Variants in CCDC171 observed in about 807,000 individuals in gnomAD.
The protein encoded by CCDC171 is coiled-coil domain-containing protein 171.
Under a neutral mutation model 168.2 loss-of-function variants are expected in CCDC171, and 177 were observed. The observed-to-expected ratio is 1.05, with a 90% CI of 0.93 to 1.19. The LOEUF (loss-of-function observed/expected upper bound fraction) is 1.19, where lower values mean the gene tolerates loss of function less well. Among genes scored for constraint, CCDC171 ranks in the 50% most tolerant of loss-of-function variants. The pLI is 0.00. For missense variants in CCDC171, 1,991 were observed against 1,539.0 expected (o/e 1.29, Z -4.91); for synonymous variants, 687 against 540.8 (o/e 1.27, Z -3.75).
chr9:15,868,898 C>G (rs1182699907), intron 23 of CCDC171, among the ~76,000 whole-genome samples: 1 of 151,892 alleles, frequency 6.6e-6, no homozygotes, highest in African/African-American at 2.4e-5. Context: ...TCTGTGGATA[C>G]CAATATCCAT....
At chr9:15,666,370 A>G in intron 9 of CCDC171, 47 bp downstream of exon 9, 1 of 1,337,662 alleles carries the variant, frequency 7.5e-7, no homozygotes, top group Non-Finnish European at 1.0e-6. Flanking sequence ...AAAGATTTTA[A>G]AAGAGCTATA....
intron 7 of CCDC171, among the ~76,000 whole-genome samples, chr9:15,656,455 T>A (rs147061199): frequency 1.4e-4 from 21 of 152,376 alleles, no homozygotes; most frequent in African/African-American, 5.0e-4. Flanking sequence ...GCAGCTTTAT[T>A]TGTAATTGCC....
chr9:15,913,432 TG>T (rs1170473453), intron 24 of CCDC171, among the ~76,000 whole-genome samples: 1 of 152,164 alleles, frequency 6.6e-6, no homozygotes, highest in Non-Finnish European at 1.5e-5. Flanking sequence ...CTTCTTTATT[TG>T]TTTGGCTGGC....
the CCDC171 span, among the ~76,000 whole-genome samples, chr9:16,087,952 C>G: frequency 6.6e-6 from 1 of 151,986 alleles, no homozygotes; most frequent in Admixed American, 6.6e-5. Context: ...GCTTATGAAG[C>G]TTAGTTTGTG....
chr9:15,577,389 A>G (rs1016221665), intron 3 of CCDC171, among the ~76,000 whole-genome samples: 1 of 152,176 alleles, frequency 6.6e-6, no homozygotes. Flanking sequence ...TGCGTTCATT[A>G]CTTCATTTTC....
chr9:15,593,638 A>G (rs1208169416), intron 5 of CCDC171, among the ~76,000 whole-genome samples: 7 of 152,128 alleles, frequency 4.6e-5, no homozygotes, highest in East Asian at 1.9e-4. Flanking sequence ...AGAGATTTCC[A>G]TATTAAATGG....
intron 21 of CCDC171, among the ~76,000 whole-genome samples, chr9:15,808,287 A>T (rs1563775398): frequency 6.6e-6 from 1 of 152,174 alleles, no homozygotes; most frequent in African/African-American, 2.4e-5. Flanking sequence ...AAATGGAGGG[A>T]TGTTTTGAGA....
intron 25 of CCDC171, among the ~76,000 whole-genome samples, chr9:15,969,846 G>A (rs898438948): frequency 3.9e-5 from 6 of 152,110 alleles, no homozygotes; most frequent in Non-Finnish European, 8.8e-5. Context: ...GATTCTAGCA[G>A]CAGTAAAAAT....
At chr9:15,902,606 C>T (rs1376842903) in intron 24 of CCDC171, among the ~76,000 whole-genome samples, 1 of 152,066 alleles carries the variant, frequency 6.6e-6, no homozygotes, top group African/African-American at 2.4e-5. Flanking sequence ...CCAGCATGAG[C>T]AATGCAGAAG....
chr9:15,773,340 A>G lies in CCDC171; in HGVS notation c.2672-4260A>G, dbSNP rs35472395. Among the ~76,000 whole-genome samples the G allele has an allele frequency of 5.7e-3, 869 of 152,342 alleles. 5 individuals are homozygous for G. The highest frequency in any genetic ancestry group is 8.8e-3 in the Non-Finnish European group (599 of 68,026). On this transcript the variant is annotated intron_variant, in intron 18 of 25. Coordinates refer to ENST00000380701, the MANE Select transcript of CCDC171 (RefSeq NM_173550.4). Reference sequence around the variant, plus strand: ...AGCTAAAAGTAGTGGAACTGTTGCAATAACTTTTCAATGTCCTTCCTTCCC... The same window carrying G: ...AGCTAAAAGTAGTGGAACTGTTGCAGTAACTTTTCAATGTCCTTCCTTCCC...
intron 3 of CCDC171, among the ~76,000 whole-genome samples, chr9:16,002,363 C>G (rs1024270857): frequency 6.6e-6 from 1 of 151,700 alleles, no homozygotes; most frequent in Non-Finnish European, 1.5e-5. Flanking sequence ...TGGGCCTAGA[C>G]TAATGTGTGT....
At chr9:15,902,253 TA>T (rs1821782270) in intron 24 of CCDC171, among the ~76,000 whole-genome samples, 2 of 143,300 alleles carry the variant, frequency 1.4e-5, no homozygotes, top group African/African-American at 5.2e-5. Flanking sequence ...TTCATATATA[TA>T]TATATATGTA....
the CCDC171 span, among the ~76,000 whole-genome samples, chr9:16,071,927 C>G: frequency 6.6e-6 from 1 of 152,104 alleles, no homozygotes; most frequent in Non-Finnish European, 1.5e-5. Context: ...CCTGTTTCCC[C>G]TCACAGCTCA....
At chr9:15,928,378 T>C (rs559174217) in intron 25 of CCDC171, among the ~76,000 whole-genome samples, 2 of 151,654 alleles carry the variant, frequency 1.3e-5, no homozygotes, top group African/African-American at 2.4e-5. Flanking sequence ...GCTCAAGGGA[T>C]TGAAAGATGT....
rs372624063 is a variant in CCDC171 at position 15,583,124 on chromosome 9, A to G, written c.352+4101A>G. The stretch of plus-strand genomic sequence containing the variant: ...CATCAACCAATGAGTGGATAAAGAA[A>G]ATGTGGTATAGGCTGGGCGCGGTGG... On this transcript the variant is annotated intron_variant, in intron 4 of 25. Coordinates refer to ENST00000380701, the MANE Select transcript of CCDC171 (RefSeq NM_173550.4). Among the ~76,000 whole-genome samples, 20 of 152,226 alleles carry G rather than the reference A, an allele frequency of 1.3e-4. No individual in the cohort carries two copies. The East Asian group carries it at 2.3e-3, about 18-fold the overall frequency.
chr9:15,586,361 A>G (rs1382499560), intron 4 of CCDC171, among the ~76,000 whole-genome samples: 1 of 152,228 alleles, frequency 6.6e-6, no homozygotes, highest in Non-Finnish European at 1.5e-5. Context: ...TAATGCAGTT[A>G]TGAGATAATC....
intron 3 of CCDC171, among the ~76,000 whole-genome samples, chr9:16,018,247 C>T (rs900566569): frequency 3.3e-5 from 5 of 152,032 alleles, no homozygotes; most frequent in Non-Finnish European, 5.9e-5. Flanking sequence ...TACCAGAGGC[C>T]AGAAAGATAT....
At chr9:15,959,680 T>G (rs1830156144) in intron 25 of CCDC171, among the ~76,000 whole-genome samples, 1 of 152,084 alleles carries the variant, frequency 6.6e-6, no homozygotes, top group African/African-American at 2.4e-5. Flanking sequence ...AGAGTTAATC[T>G]GAATGAGGGC....
At chr9:15,557,562 G>C (rs1442545708) in intron 1 of CCDC171, among the ~76,000 whole-genome samples, 1 of 152,144 alleles carries the variant, frequency 6.6e-6, no homozygotes, top group East Asian at 1.9e-4. Context: ...GTATAAGAAT[G>C]CTTGTGATTT....
Sources: allele counts gnomAD v4.1 joint callset (sites outside exome capture counted in the v4.1 genomes callset), GRCh38; gene constraint gnomAD v4.1.1; transcripts MANE v1.5; gene names NCBI Gene and HGNC (gene_info 2026-07-23, HGNC 2026-07-21).